Variants in DNAH7 observed in about 807,000 individuals in gnomAD.
The protein encoded by DNAH7 is axonemal beta dynein heavy chain 7.
Under a neutral mutation model 444.6 loss-of-function variants are expected in DNAH7, and 397 were observed. The ratio of observed to expected loss-of-function variants is 0.89; its 90% CI spans 0.82 to 0.97. DNAH7 has a LOEUF of 0.97. DNAH7 is among the 50% of genes least tolerant of loss of function. The probability of loss-of-function intolerance (pLI) is 0.00; values close to 1 mark genes in which losing one functional copy is unlikely to be tolerated. For synonymous variants in DNAH7, 1,636 were observed against 1,624.4 expected (o/e 1.01, Z -0.17); for missense variants, 4,902 against 4,800.8 (o/e 1.02, Z -0.62).
intron 27 of DNAH7, chr2:195,903,688 T>C (rs774448271): frequency 6.6e-6 from 1 of 152,170 alleles, no homozygotes; most frequent in African/African-American, 2.4e-5. Flanking sequence ...AAGTATGATC[T>C]TCTCAATATA....
chr2:195,912,646 G>T (rs961803195), intron 24 of DNAH7, among the ~76,000 whole-genome samples: 1 of 152,172 alleles, frequency 6.6e-6, no homozygotes, highest in Non-Finnish European at 1.5e-5. Flanking sequence ...TAAGGAACCC[G>T]CATAAACATC....
At chr2:196,025,752 G>A (rs1695642901) in intron 7 of DNAH7, among the ~76,000 whole-genome samples, 1 of 152,122 alleles carries the variant, frequency 6.6e-6, no homozygotes, top group African/African-American at 2.4e-5. Context: ...TGAACTCTGA[G>A]GGCAGGGATT....
rs35075325 is a variant in DNAH7, at chr2:195,846,949, A to ATGTGTGTGTGTGTGTGTGTGTGTGTG, written c.8782-1810_8782-1785dup. On this transcript the variant is annotated intron_variant, in intron 46 of 64. Coordinates refer to ENST00000312428, the MANE Select transcript of DNAH7 (RefSeq NM_018897.3). ...AATACTACGTAATAAACTCCCATAT[A>ATGTGTGTGTGTGTGTGTGTGTGTGTG]TGTGTGTGTGTGTGTGTGTGTGTGT... 8.7e-4 allele frequency among the ~76,000 whole-genome samples: 120 copies of ATGTGTGTGTGTGTGTGTGTGTGTGTG among 137,214 alleles called. 1 individual carries two copies. The highest frequency in any genetic ancestry group is 3.2e-3 in the African/African-American group (113 of 35,270). The allele number at this position is 137,214 out of a possible 152,430, so 90.0% of individuals were successfully genotyped here.
intron 5 of DNAH7, among the ~76,000 whole-genome samples, chr2:196,040,724 C>T (rs1368011256): frequency 2.0e-5 from 3 of 151,882 alleles, no homozygotes; most frequent in Non-Finnish European, 4.4e-5. Flanking sequence ...TTAGCCAGAG[C>T]AATTACACAA....
At chr2:196,019,770 A>C (rs1695257666) in intron 8 of DNAH7, among the ~76,000 whole-genome samples, 1 of 152,200 alleles carries the variant, frequency 6.6e-6, no homozygotes, top group Non-Finnish European at 1.5e-5. Context: ...TACCCCGTTA[A>C]TATGTAAACA....
intron 48 of DNAH7, among the ~76,000 whole-genome samples, chr2:195,832,807 G>T (rs2124950449): frequency 6.6e-6 from 1 of 152,176 alleles, no homozygotes; most frequent in Non-Finnish European, 1.5e-5. Context: ...AATTCCTATA[G>T]TACATCATCT....
At chr2:195,746,520 C>T (rs1330414225) in intron 63 of DNAH7, among the ~76,000 whole-genome samples, 1 of 152,170 alleles carries the variant, frequency 6.6e-6, no homozygotes, top group East Asian at 1.9e-4. Flanking sequence ...CAGAACTCTC[C>T]ACCCCAAATC....
intron 17 of DNAH7, 91 bp from the exon 18 acceptor site, chr2:195,961,036 C>A: frequency 2.8e-6 from 3 of 1,075,324 alleles, no homozygotes; most frequent in Non-Finnish European, 3.7e-6. Context: ...CAAATGTGAG[C>A]CAAAAAAACC....
chr2:195,849,911 A>G (rs1392844950), intron 46 of DNAH7, among the ~76,000 whole-genome samples: 1 of 152,118 alleles, frequency 6.6e-6, no homozygotes, highest in Non-Finnish European at 1.5e-5. Context: ...CACTACTGGC[A>G]TGTTTTGTTC....
intron 29 of DNAH7, among the ~76,000 whole-genome samples, chr2:195,897,410 A>C (rs1378273827): frequency 6.6e-6 from 1 of 152,186 alleles, no homozygotes; most frequent in Non-Finnish European, 1.5e-5. Flanking sequence ...GGAATTTATA[A>C]GCAAATATTT....
At chr2:196,019,521 A>G (rs1165838928) in intron 8 of DNAH7, among the ~76,000 whole-genome samples, 1 of 152,184 alleles carries the variant, frequency 6.6e-6, no homozygotes, top group African/African-American at 2.4e-5. Flanking sequence ...AATCTTTAAA[A>G]CAAAAGGTAA....
chr2:195,927,525 A>AAATAAATT (rs1553564343), intron 21 of DNAH7, among the ~76,000 whole-genome samples: 1 of 148,886 alleles, frequency 6.7e-6, no homozygotes, highest in Non-Finnish European at 1.5e-5. Flanking sequence ...ATAAATAAAT[A>AAATAAATT]AATTAATTAA....
intron 24 of DNAH7, 24 bp from the exon 25 acceptor site, chr2:195,910,219 C>T (rs779384585): frequency 1.3e-6 from 2 of 1,539,678 alleles, no homozygotes; most frequent in Non-Finnish European, 1.8e-6. Context: ...AATAGACATT[C>T]TTTGTAGAAT....
intron 46 of DNAH7, among the ~76,000 whole-genome samples, chr2:195,848,545 T>G (rs554028289): frequency 2.6e-5 from 4 of 152,362 alleles, no homozygotes; most frequent in Admixed American, 2.0e-4. Context: ...ATTCTTCAGA[T>G]GGTGGGATGC....
chr2:195,791,775 C>T (rs1323713664), intron 57 of DNAH7, among the ~76,000 whole-genome samples: 1 of 152,134 alleles, frequency 6.6e-6, no homozygotes, highest in African/African-American at 2.4e-5. Flanking sequence ...AGCTGGAGGC[C>T]ATTATCCTAA....
At position 195,923,728 on chromosome 2, in the gene DNAH7, T is replaced by C; in HGVS notation, c.3692A>G (p.Gln1231Arg). Residue 1231 changes from glutamine to arginine, a missense_variant, in exon 23 of 65, where the codon CAG becomes CGG. Physicochemically the swap from Gln to Arg is conservative, Grantham distance 43. Transcript: ENST00000312428. ...VTLVRGKLSM[Q>R]NRVTLGALVV... ...AAGTGCTCCCAGAGTTACGCGATTC[T>C]GCATGGACAATTTGCCACGCACCAA... 6.2e-7 allele frequency: 1 copy of C among 1,614,180 alleles called. No homozygotes were observed.
intron 3 of DNAH7, among the ~76,000 whole-genome samples, chr2:196,049,881 C>A (rs994366859): frequency 6.6e-5 from 10 of 152,182 alleles, no homozygotes; most frequent in African/African-American, 2.2e-4. Context: ...TAAAAAATGT[C>A]TATTCCATTT....
At chr2:196,047,328 T>C (rs1697195861) in intron 5 of DNAH7, 24 bp downstream of exon 5, 1 of 1,527,262 alleles carries the variant, frequency 6.5e-7, no homozygotes, top group Non-Finnish European at 8.8e-7. Context: ...GGGTAACACG[T>C]AATGGTTAGC....
chr2:196,020,569 T>C (rs1439469884), intron 8 of DNAH7, among the ~76,000 whole-genome samples: 3 of 152,040 alleles, frequency 2.0e-5, no homozygotes, highest in Non-Finnish European at 4.4e-5. Context: ...TACATAACTT[T>C]TTTTGTGTGT....
Sources: gnomAD v4.1 joint callset for allele counts (sites outside exome capture counted in the v4.1 genomes callset) on GRCh38, gnomAD v4.1.1 for gene constraint, MANE v1.5 for transcripts, NCBI Gene and HGNC (gene_info 2026-07-23, HGNC 2026-07-21) for gene names.